NR1H4: variants seen among roughly 807,000 people sequenced by gnomAD.
NR1H4 encodes the protein nuclear receptor subfamily 1 group H member 4.
In NR1H4, 23 loss-of-function variants were observed where a neutral mutation model predicts 58.5. The observed-to-expected ratio is 0.39, with a 90% confidence interval of 0.28 to 0.56. The LOEUF (loss-of-function observed/expected upper bound fraction) is 0.56. Ranked by LOEUF, NR1H4 falls within the 20% of genes least tolerant of loss-of-function variation. The pLI, the probability that NR1H4 is intolerant of heterozygous loss-of-function variation, is 0.58. For synonymous variants in NR1H4, 214 were observed against 198.0 expected (o/e 1.08, Z -0.68); for missense variants, 487 against 576.9 (o/e 0.84, Z 1.60).
intron 3 of NR1H4, among the ~76,000 whole-genome samples, chr12:100,500,694 A>C (rs1308626868): frequency 6.6e-6 from 1 of 152,082 alleles, no homozygotes; most frequent in Non-Finnish European, 1.5e-5. Context: ...ATAGTGAGTG[A>C]GTTCTCATGA....
At chr12:100,560,532 C>T (rs565052827) in intron 9 of NR1H4, among the ~76,000 whole-genome samples, 1 of 152,288 alleles carries the variant, frequency 6.6e-6, no homozygotes, top group Admixed American at 6.5e-5. Context: ...CAGCTTCACT[C>T]CTGAGCCAGC....
Position 100,493,288 on chromosome 12 carries a change from A to T in NR1H4, c.-36A>T. 9.7e-7 allele frequency: 1 copy of T among 1,034,080 alleles called. No homozygotes were observed. The highest frequency in any genetic ancestry group is 1.5e-6 in the Non-Finnish European group (1 of 664,886). The allele number at this position is 1,034,080 out of a possible 1,614,324, so 64.1% of individuals were successfully genotyped here. On this transcript the variant is annotated 5_prime_UTR_variant, in exon 3 of 11. Transcript: ENST00000392986. ...CTTTCAGGAGTTTTTTTTGAAGACC[A>T]CCATAAAGAAAGTGCATTTCAATTG... is the stretch of plus-strand genomic sequence containing the variant.
intron 4 of NR1H4, among the ~76,000 whole-genome samples, chr12:100,526,083 ACT>A (rs1954548816): frequency 6.7e-6 from 1 of 149,432 alleles, no homozygotes. Context: ...TATTTTATTG[ACT>A]CTATTAATTT....
Position 100,516,602 on chromosome 12 carries a change from G to A in NR1H4, c.445+5459G>A, listed in dbSNP as rs1006903584. ...AGAATGATCTCCATCTCCTGACCTC[G>A]TGATCCGCCCGCCTCGGCCTCCCAA... On this transcript the variant is annotated intron_variant, in intron 4 of 10. Transcript: ENST00000392986. 3.3e-5 allele frequency among the ~76,000 whole-genome samples: 5 copies of A among 152,182 alleles called. No homozygotes were observed. The South Asian group carries it at 8.3e-4, about 25-fold the overall frequency.
At chr12:100,523,252 A>G (rs1954472791) in intron 4 of NR1H4, among the ~76,000 whole-genome samples, 1 of 152,160 alleles carries the variant, frequency 6.6e-6, no homozygotes, top group Non-Finnish European at 1.5e-5. Context: ...GCATTCTTGC[A>G]GGAGTAAGGT....
intron 8 of NR1H4, 92 bp downstream of exon 8, chr12:100,537,139 T>A (rs765474553): frequency 2.7e-5 from 22 of 813,472 alleles, no homozygotes; most frequent in Non-Finnish European, 4.1e-5. Flanking sequence ...GTGTTTTAAT[T>A]TTCAAAACAT....
chr12:100,525,004 T>G (rs900074332), intron 4 of NR1H4, among the ~76,000 whole-genome samples: 1 of 152,170 alleles, frequency 6.6e-6, no homozygotes, highest in Admixed American at 6.5e-5. Context: ...CTTGGCAGCC[T>G]TTTAAAGCTT....
intron 9 of NR1H4, among the ~76,000 whole-genome samples, chr12:100,548,256 A>G (rs1299199230): frequency 1.3e-5 from 2 of 151,184 alleles, no homozygotes; most frequent in Non-Finnish European, 3.0e-5. Flanking sequence ...AGTCCCAGCT[A>G]GTCAGGAGGC....
intron 9 of NR1H4, among the ~76,000 whole-genome samples, chr12:100,559,481 G>A (rs978570190): frequency 6.6e-6 from 1 of 152,200 alleles, no homozygotes; most frequent in Non-Finnish European, 1.5e-5. Flanking sequence ...CGGAGCAGCC[G>A]GCCAGCCCTG....
At chr12:100,490,215 G>T (rs541990350) in intron 1 of NR1H4, among the ~76,000 whole-genome samples, 1 of 152,318 alleles carries the variant, frequency 6.6e-6, no homozygotes, top group East Asian at 1.9e-4. Flanking sequence ...AAGGTGCCAA[G>T]TTTATATGAA....
intron 4 of NR1H4, among the ~76,000 whole-genome samples, chr12:100,512,671 A>G (rs1456200375): frequency 6.6e-6 from 1 of 151,926 alleles, no homozygotes; most frequent in East Asian, 1.9e-4. Context: ...GTAAAATCCC[A>G]TGTGATTACT....
At chr12:100,527,908 G>C (rs1362511346) in intron 4 of NR1H4, among the ~76,000 whole-genome samples, 1 of 152,136 alleles carries the variant, frequency 6.6e-6, no homozygotes, top group Non-Finnish European at 1.5e-5. Flanking sequence ...AGTAGTATCT[G>C]CCTCATTGGA....
intron 3 of NR1H4, chr12:100,505,588 C>T: frequency 1.4e-6 from 1 of 701,760 alleles, no homozygotes; most frequent in East Asian, 2.7e-5. Context: ...TTCTCAGACT[C>T]CCCTGGAGTC....
chr12:100,475,746 A>AT (rs1452304983), intron 1 of NR1H4, among the ~76,000 whole-genome samples: 2 of 151,728 alleles, frequency 1.3e-5, no homozygotes, highest in Admixed American at 1.3e-4. Flanking sequence ...TTTTATTATT[A>AT]TTTTTTTGAG....
At chr12:100,528,878 A>G (rs1274642636) in intron 4 of NR1H4, among the ~76,000 whole-genome samples, 2 of 152,154 alleles carry the variant, frequency 1.3e-5, no homozygotes, top group Admixed American at 6.5e-5. Flanking sequence ...TAAGCTGTCT[A>G]TCAGTATCTA....
In NR1H4 at chr12:100,560,118, ACT is replaced by A. The variant is rs558296086; in HGVS notation, c.1079-1764_1079-1763del. 4.3e-3 allele frequency among the ~76,000 whole-genome samples: 656 copies of A among 151,938 alleles called. 4 individuals carry two copies. Among genetic ancestry groups the A allele is most frequent in the African/African-American group, 0.015 (623 of 41,418 alleles). On this transcript the variant is annotated intron_variant, in intron 9 of 10. Coordinates refer to ENST00000392986, the MANE Select transcript of NR1H4 (RefSeq NM_001206979.2). ...GGCCTTGGAGAACCTGTGTGTGGAAACTCTGTATCTAACTAATCTGATGGGGA... is the reference window on the plus strand; with the variant it reads ...GGCCTTGGAGAACCTGTGTGTGGAAACTGTATCTAACTAATCTGATGGGGA...
intron 9 of NR1H4, among the ~76,000 whole-genome samples, chr12:100,550,170 G>C (rs10860603): frequency 6.6e-6 from 1 of 151,926 alleles, no homozygotes; most frequent in Non-Finnish European, 1.5e-5. Flanking sequence ...GCTTTAGAAC[G>C]TATATCTGAT....
At chr12:100,552,777 G>A (rs1229463140) in intron 9 of NR1H4, among the ~76,000 whole-genome samples, 1 of 152,034 alleles carries the variant, frequency 6.6e-6, no homozygotes, top group African/African-American at 2.4e-5. Context: ...AAAATGTCTG[G>A]ATGTGGTGGT....
intron 1 of NR1H4, among the ~76,000 whole-genome samples, chr12:100,483,644 A>G (rs1953428039): frequency 6.6e-6 from 1 of 152,194 alleles, no homozygotes; most frequent in African/African-American, 2.4e-5. Flanking sequence ...TTGGAAAAAT[A>G]AAACGTTTTT....
Sources: allele counts gnomAD v4.1 joint callset (sites outside exome capture counted in the v4.1 genomes callset), GRCh38; gene constraint gnomAD v4.1.1; transcripts MANE v1.5; gene names NCBI Gene and HGNC (gene_info 2026-07-23, HGNC 2026-07-21).